The following TTN variants were observed in gnomAD, a reference collection of about 807,000 sequenced individuals.
TTN encodes the protein titin.
Under a neutral mutation model 3,223.0 loss-of-function variants are expected in TTN, and 1,525 were observed. That is an observed-to-expected ratio of 0.47 (90% CI 0.45 to 0.49). The LOEUF is 0.49. TTN is among the 20% of genes least tolerant of loss of function. The pLI is 0.00. For missense variants in TTN, 40,786 were observed against 43,424.0 expected (o/e 0.94, Z 5.40); for synonymous variants, 14,094 against 15,161.0 (o/e 0.93, Z 5.17).
At chr2:178,802,410 A>C (rs1173543762) in intron 2 of TTN, 69 bp from the exon 3 acceptor site, 1 of 1,527,684 alleles carries the variant, frequency 6.5e-7, no homozygotes, top group Non-Finnish European at 8.9e-7. Flanking sequence ...CTGTCCCATC[A>C]TGTTCACTGC....
At position 178,540,373 on chromosome 2, in the gene TTN, GAGAATA is replaced by G. The variant is rs761277917; in HGVS notation, c.97796-9_97796-4del. ...GTTTTGTGGCTTTCCTGGAGGAGCTGAGAATAAGAATAAGAATATACTGGTTAAAGT... is the reference window on the plus strand; with the variant it reads ...GTTTTGTGGCTTTCCTGGAGGAGCTGAGAATAAGAATATACTGGTTAAAGT... On this transcript the variant is annotated splice_region_variant and splice_polypyrimidine_tract_variant and intron_variant, in intron 350 of 362. Transcript: ENST00000589042. 8 of 1,608,954 alleles carry G rather than the reference GAGAATA, an allele frequency of 5.0e-6. No homozygotes were observed. Among genetic ancestry groups the G allele is most frequent in the Admixed American group, 1.7e-5 (1 of 59,634 alleles).
chr2:178,598,603 G>A lies in TTN; in HGVS notation c.57014C>T (p.Ala19005Val). Reference protein sequence around the residue: ...PKVTDWTKSSADLEWSPPLKD... With the variant: ...PKVTDWTKSSVDLEWSPPLKD... Reference sequence around the variant, plus strand: ...TAGTGGGGGAGACCACTCCAGATCTGCAGATGATTTAGTCCAATCTGTCAC... The same window carrying A: ...TAGTGGGGGAGACCACTCCAGATCTACAGATGATTTAGTCCAATCTGTCAC... Residue 19005 changes from alanine to valine, a missense_variant, in exon 292 of 363, where the codon GCA (alanine) becomes GTA (valine). Ala to Val is a moderately conservative substitution (Grantham distance 64, BLOSUM62 0). Transcript: ENST00000589042. The A allele has an allele frequency of 1.2e-6, 2 of 1,609,248 alleles. No homozygotes were observed. The highest frequency in any genetic ancestry group is 1.7e-6 in the Non-Finnish European group (2 of 1,178,714).
chr2:178,624,852 T>G, intron 241 of TTN, 121 bp from the exon 242 acceptor site: 1 of 1,113,790 alleles, frequency 9.0e-7, no homozygotes, highest in Admixed American at 2.5e-5. Context: ...ATTTTCAAGT[T>G]TTGATTACAC....
chr2:178,567,855 C>T lies in TTN; in HGVS notation c.78277G>A (p.Gly26093Arg), dbSNP rs757813739. Reference protein sequence around the residue: ...YVARDPCDPPGTPEPIMVKRN... With the variant: ...YVARDPCDPPRTPEPIMVKRN... ...TTAACCATTATTGGTTCTGGGGTTCCTGGTGGGTCACAGGGATCTCTGGCT... is the reference window on the plus strand; with the variant it reads ...TTAACCATTATTGGTTCTGGGGTTCTTGGTGGGTCACAGGGATCTCTGGCT... Residue 26093 changes from glycine (G) to arginine (R), a missense_variant, in exon 326 of 363, where the codon GGA becomes AGA. By Grantham distance (125) the Gly-to-Arg change is moderately radical. Transcript: ENST00000589042. The T allele has an allele frequency of 6.2e-6, 10 of 1,613,330 alleles. No homozygotes were observed. The highest frequency in any genetic ancestry group is 7.6e-6 in the Non-Finnish European group (9 of 1,179,588).
At chr2:178,798,936 A>C (rs1283870959) in intron 6 of TTN, 3 of 156,816 alleles carry the variant, frequency 1.9e-5, no homozygotes, top group Non-Finnish European at 2.8e-5. Flanking sequence ...TGGCCCCTAA[A>C]GTAGATATTT....
rs1462805478 is a variant in TTN, at chr2:178,548,790, A to C, written c.92836T>G (p.Phe30946Val). 1 of 1,612,780 alleles carries C rather than the reference A, an allele frequency of 6.2e-7. No homozygotes were observed. The highest frequency in any genetic ancestry group is 8.5e-7 in the Non-Finnish European group (1 of 1,179,786). ...VVRAGASIRL[F>V]IAYQGRPTPT... ...GTAGGTCTACCTTGGTAGGCAATGA[A>C]GAGGCGAATACTGGCCCCAGCTCTA... Residue 30946 changes from phenylalanine to valine, a missense_variant, in exon 339 of 363, where the codon TTC becomes GTC. Phe to Val is a conservative substitution (Grantham distance 50, BLOSUM62 -1). Coordinates refer to ENST00000589042, the MANE Select transcript of TTN (RefSeq NM_001267550.2). This position sits in a 1 kb window ranked among gnomAD's most constrained non-coding sequence, Gnocchi z 4.3.
At chr2:178,703,196 C>G (rs2075297995) in intron 106 of TTN, among the ~76,000 whole-genome samples, 1 of 152,038 alleles carries the variant, frequency 6.6e-6, no homozygotes, top group South Asian at 2.1e-4. Flanking sequence ...TACATATGGG[C>G]ACAAACAAAG....
In TTN at chr2:178,569,087, C is replaced by T. The variant is rs1249623896; in HGVS notation, c.77045G>A (p.Gly25682Asp). The change falls in exon 326 of 363, where the codon GGT becomes GAT. Residue 25682 changes from glycine (G) to aspartate (D), a missense_variant. Coordinates refer to ENST00000589042, the MANE Select transcript of TTN (RefSeq NM_001267550.2). ...YFRVTAENEYGIGLPAQTADP... is the reference protein window; with the variant it reads ...YFRVTAENEYDIGLPAQTADP... Reference sequence around the variant, plus strand: ...AGCAGTCTGGGCAGGAAGGCCAATACCATACTCATTCTCAGCTGTGACTCT... The same window carrying T: ...AGCAGTCTGGGCAGGAAGGCCAATATCATACTCATTCTCAGCTGTGACTCT... 6.2e-7 allele frequency: 1 copy of T among 1,613,402 alleles called. No individual in the cohort carries two copies. Among genetic ancestry groups the T allele is most frequent in the East Asian group, 2.2e-5 (1 of 44,824 alleles).
chr2:178,763,907 CT>C (rs1423519494), intron 43 of TTN, among the ~76,000 whole-genome samples: 1 of 142,450 alleles, frequency 7.0e-6, no homozygotes, highest in African/African-American at 2.6e-5. Flanking sequence ...GGAACATGAC[CT>C]TTTTTAATAT....
Position 178,535,120 on chromosome 2 carries a change from A to G in TTN, c.101495T>C (p.Ile33832Thr), listed in dbSNP as rs1476820246. 19 of 1,613,724 alleles carry G rather than the reference A, an allele frequency of 1.2e-5. No homozygotes were observed. Among genetic ancestry groups the G allele is most frequent in the African/African-American group, 2.7e-5 (2 of 74,924 alleles). ...AEDLGRGEFG[I>T]VHRCVETSSK... ...GGATGTTTCAACACAACGATGGACA[A>G]TTCCAAACTCACCACGCCCAAGATC... Residue 33832 changes from isoleucine (I) to threonine (T), a missense_variant, in exon 358 of 363, where the codon ATT becomes ACT. By Grantham distance (89) the Ile-to-Thr change is moderately conservative. Coordinates refer to ENST00000589042, the MANE Select transcript of TTN (RefSeq NM_001267550.2).
Position 178,561,996 on chromosome 2 carries a change from C to CTGT in TTN, c.84133_84135dup (p.Thr28045dup). ...TCAAGGACAATTATAGTAATAGGAACTGTTATGGATCCAGCACTGTTTGAA... is the reference window on the plus strand; with the variant it reads ...TCAAGGACAATTATAGTAATAGGAACTGTTGTTATGGATCCAGCACTGTTTGAA... On this transcript the variant is annotated inframe_insertion, in exon 326 of 363. Coordinates refer to ENST00000589042, the MANE Select transcript of TTN (RefSeq NM_001267550.2). 1 of 1,613,448 alleles carries CTGT rather than the reference C, an allele frequency of 6.2e-7. No homozygotes were observed. The highest frequency in any genetic ancestry group is 1.1e-5 in the South Asian group (1 of 91,054).
At chr2:178,603,143 CT>C (rs1365898481) in intron 282 of TTN, among the ~76,000 whole-genome samples, 1 of 151,942 alleles carries the variant, frequency 6.6e-6, no homozygotes, top group Non-Finnish European at 1.5e-5. Context: ...ACTTTTCCCC[CT>C]CCAGTGGTTA....
Position 178,562,945 on chromosome 2 carries a change from T to A in TTN, c.83187A>T (p.Thr27729=). 1 of 1,613,682 alleles carries A rather than the reference T, an allele frequency of 6.2e-7. No homozygotes were observed. Among genetic ancestry groups the A allele is most frequent in the Non-Finnish European group, 8.5e-7 (1 of 1,179,744 alleles). The part of the protein sequence containing the change: ...RAQIEVTSSF[T]MLVIDNVTRF... ...TGGTAACATTATCAATCACCAACAT[T>A]GTAAATGAGCTGGTCACCTCTATCT... is the stretch of plus-strand genomic sequence containing the variant. The change falls in exon 326 of 363, where the codon ACA becomes ACT. Residue 27729 remains threonine, a synonymous_variant. Transcript: ENST00000589042.
Position 178,773,932 on chromosome 2 carries a change from C to T in TTN, c.7236G>A (p.Leu2412=). The T allele has an allele frequency of 6.2e-7, 1 of 1,614,070 alleles. No homozygotes were observed. Among genetic ancestry groups the T allele is most frequent in the Non-Finnish European group, 8.5e-7 (1 of 1,179,986 alleles). ...HIVIDKQSHM[L]LIEDMTKEDA... is the part of the protein sequence containing the mutation. ...CTTCCTTAGTCATGTCTTCAATGAG[C>T]AGCATATGAGATTGTTTGTCTATCA... Residue 2412 remains leucine, a synonymous_variant, in exon 31 of 363, where the codon CTG becomes CTA. Transcript: ENST00000589042.
chr2:178,783,950 C>T lies in TTN; in HGVS notation c.2775+120G>A, dbSNP rs140143216. The T allele has an allele frequency of 6.1e-5, 93 of 1,527,746 alleles. No homozygotes were observed. The East Asian group carries it at 2.0e-3, about 32-fold the overall frequency. The allele number at this position is 1,527,746 out of a possible 1,614,324, so 94.6% of individuals were successfully genotyped here. On this transcript the variant is annotated intron_variant, in intron 16 of 362. Coordinates refer to ENST00000589042, the MANE Select transcript of TTN (RefSeq NM_001267550.2). ...ATACTATGCTCCATAAAAATCAAGTCTTAGTATGGCAAAGGAGAAAGGCAA... is the reference window on the plus strand; with the variant it reads ...ATACTATGCTCCATAAAAATCAAGTTTTAGTATGGCAAAGGAGAAAGGCAA...
chr2:178,778,786 T>G, intron 24 of TTN, 88 bp downstream of exon 24: 1 of 1,581,456 alleles, frequency 6.3e-7, no homozygotes, highest in East Asian at 2.3e-5. Flanking sequence ...AGCCCTCGAT[T>G]TTCTTCTTAC....
In TTN at chr2:178,771,305, C is replaced by T. The variant is rs1286405399; in HGVS notation, c.8022G>A (p.Arg2674=). ...ATTTGGTGGCAGCAATGATAAGTCT[C>T]CTTTTGTGGCCATCAGACTCACTTC... ...NIRSESDGHK[R]RLIIAATKLD... The change falls in exon 34 of 363, where the codon AGG becomes AGA. Residue 2674 remains arginine (R), a synonymous_variant. Coordinates refer to ENST00000589042, the MANE Select transcript of TTN (RefSeq NM_001267550.2). The T allele has an allele frequency of 6.2e-7, 1 of 1,614,038 alleles. No individual in the cohort carries two copies. Among genetic ancestry groups the T allele is most frequent in the Non-Finnish European group, 8.5e-7 (1 of 1,180,000 alleles).
chr2:178,713,607 A>G, intron 92 of TTN: 2 of 730,820 alleles, frequency 2.7e-6, no homozygotes, highest in South Asian at 4.9e-5. Flanking sequence ...CTTTGCCGTG[A>G]AGAATTATGT....
chr2:178,586,997 A>T, intron 307 of TTN, 121 bp downstream of exon 307: 2 of 1,396,422 alleles, frequency 1.4e-6, no homozygotes, highest in Non-Finnish European at 2.0e-6. Context: ...GATATTTATT[A>T]CACTATTTCG....
Sources: gnomAD v4.1 joint callset for allele counts (sites outside exome capture counted in the v4.1 genomes callset) on GRCh38, gnomAD v4.1.1 for gene constraint, Gnocchi (gnomAD v3.1) non-coding constraint, MANE v1.5 for transcripts, NCBI Gene and HGNC (gene_info 2026-07-23, HGNC 2026-07-21) for gene names.